CASK: variants seen among roughly 807,000 people sequenced by gnomAD.
CASK encodes the protein calcium/calmodulin dependent serine protein kinase, also known as peripheral plasma membrane protein CASK.
In CASK, 4 loss-of-function variants were observed where a neutral mutation model predicts 82.9. That is an observed-to-expected ratio of 0.05 (90% CI 0.02 to 0.11). The LOEUF (loss-of-function observed/expected upper bound fraction) is 0.11. CASK is among the 10% of genes least tolerant of loss of function. CASK has a pLI of 1.00. For synonymous variants in CASK, 259 were observed against 253.5 expected, an observed-to-expected ratio of 1.02 and a Z score of -0.20; for missense variants, 358 against 720.9, an observed-to-expected ratio of 0.50 and a Z score of 5.76.
intron 2 of CASK, among the ~76,000 whole-genome samples, chrX:41,809,955 T>C (rs2070231641): frequency 8.9e-6 from 1 of 112,228 alleles, no homozygotes; most frequent in Admixed American, 9.5e-5. Flanking sequence ...CAAGCTTCAG[T>C]AGCCGATTTG....
At chrX:41,565,628 C>T (rs944971716) in intron 16 of CASK, among the ~76,000 whole-genome samples, 5 of 111,494 alleles carry the variant, frequency 4.5e-5, no homozygotes, top group Admixed American at 2.9e-4. Flanking sequence ...CAGGACCAGA[C>T]GGATTCACAG....
chrX:41,613,605 G>A (rs1184704317), intron 11 of CASK, among the ~76,000 whole-genome samples: 2 of 81,486 alleles, frequency 2.5e-5, no homozygotes, highest in Non-Finnish European at 4.6e-5. Context: ...CCCCCTCTGC[G>A]AGAAACACCC....
At chrX:41,781,520 G>A (rs962885229) in intron 3 of CASK, among the ~76,000 whole-genome samples, 1 of 111,866 alleles carries the variant, frequency 8.9e-6, no homozygotes, top group African/African-American at 3.3e-5. Context: ...TGTCTACACT[G>A]TATGGGTGTC....
intron 1 of CASK, among the ~76,000 whole-genome samples, chrX:41,880,692 T>C (rs1168300672): frequency 1.8e-5 from 2 of 112,015 alleles, no homozygotes; most frequent in African/African-American, 6.5e-5. Flanking sequence ...GAGATCCAAA[T>C]GTATTTCACT....
At chrX:41,728,175 T>C (rs765826142) in intron 5 of CASK, 27 of 370,911 alleles carry the variant, frequency 7.3e-5, no homozygotes, top group Non-Finnish European at 1.2e-4. Flanking sequence ...TAAAAATAAA[T>C]AAACATATAT....
At chrX:41,694,327 T>A (rs1029584068) in intron 5 of CASK, among the ~76,000 whole-genome samples, 1 of 112,060 alleles carries the variant, frequency 8.9e-6, no homozygotes, top group Non-Finnish European at 1.9e-5. Context: ...GGCATCTTTA[T>A]GTTAACCCTG....
At chrX:41,893,319 CA>C (rs776338032) in intron 1 of CASK, among the ~76,000 whole-genome samples, 1 of 111,968 alleles carries the variant, frequency 8.9e-6, no homozygotes, top group East Asian at 2.8e-4. Context: ...GCCCCATGGC[CA>C]GGGGCACTGT....
intron 12 of CASK, among the ~76,000 whole-genome samples, chrX:41,591,101 T>C (rs1240547567): frequency 8.9e-6 from 1 of 112,056 alleles, no homozygotes; most frequent in Non-Finnish European, 1.9e-5. Context: ...AATGGTGATT[T>C]GTGGCTCGTC....
intron 4 of CASK, among the ~76,000 whole-genome samples, chrX:41,744,635 C>T (rs990489050): frequency 9.0e-6 from 1 of 111,611 alleles, no homozygotes; most frequent in Non-Finnish European, 1.9e-5. Context: ...TGAGCCACCG[C>T]GCCCGGCCCA....
intron 18 of CASK, chrX:41,558,589 A>G (rs1246849471): frequency 1.8e-5 from 2 of 111,198 alleles, no homozygotes; most frequent in Non-Finnish European, 3.8e-5. Flanking sequence ...GTTTCCCAGC[A>G]AAGTTTGTGT....
At chrX:41,918,935 C>T (rs1264242467) in intron 1 of CASK, among the ~76,000 whole-genome samples, 1 of 112,093 alleles carries the variant, frequency 8.9e-6, no homozygotes, top group Non-Finnish European at 1.9e-5. Context: ...AGGGCTCTGG[C>T]GTTGATCTTT....
intron 2 of CASK, among the ~76,000 whole-genome samples, chrX:41,806,762 T>C (rs2147871895): frequency 8.9e-6 from 1 of 112,011 alleles, no homozygotes; most frequent in South Asian, 3.7e-4. Context: ...CCACCTTTTA[T>C]CCAAGGAAGA....
chrX:41,603,626 T>C (rs2065921730), intron 12 of CASK, among the ~76,000 whole-genome samples: 1 of 112,395 alleles, frequency 8.9e-6, no homozygotes, highest in Non-Finnish European at 1.9e-5. Context: ...TTTTAAAAAT[T>C]CATCAATAAA....
intron 3 of CASK, among the ~76,000 whole-genome samples, chrX:41,764,238 T>C (rs2069065331): frequency 9.0e-6 from 1 of 111,077 alleles, no homozygotes; most frequent in Non-Finnish European, 1.9e-5. Context: ...TGCAACTCCT[T>C]GCTGTCGTGA....
At chrX:41,613,629 T>TAAAAAAA (rs767946526) in intron 11 of CASK, among the ~76,000 whole-genome samples, 2 of 49,854 alleles carry the variant, frequency 4.0e-5, no homozygotes, top group African/African-American at 7.3e-5. Context: ...AATGATCAAT[T>TAAAAAAA]AAAAAAAAAA....
chrX:41,766,835 C>T (rs1030490176), intron 3 of CASK, among the ~76,000 whole-genome samples: 12 of 111,145 alleles, frequency 1.1e-4, no homozygotes, highest in African/African-American at 9.8e-5. Flanking sequence ...TGCAGTGAGC[C>T]GAGATTGGGC....
rs1194492590 is a variant in CASK at position 41,589,599 on chromosome X, A to G, written c.1156-7T>C. The stretch of plus-strand genomic sequence containing the variant: ...TGTTAATTTTGTCATACAGCTAAAA[A>G]GCAAAGAAGAAAATCCAGTAAACAC... On this transcript the variant is annotated splice_region_variant and splice_polypyrimidine_tract_variant and intron_variant, in intron 12 of 26. Transcript: ENST00000378163. 1 of 1,156,590 alleles carries G rather than the reference A, an allele frequency of 8.6e-7. No individual in the cohort carries two copies. Among genetic ancestry groups the G allele is most frequent in the Non-Finnish European group, 1.2e-6 (1 of 845,732 alleles).
chrX:41,771,616 A>G (rs916599552), intron 3 of CASK, among the ~76,000 whole-genome samples: 1 of 111,860 alleles, frequency 8.9e-6, no homozygotes, highest in African/African-American at 3.2e-5. Flanking sequence ...AATGGTATCA[A>G]TATCAGAATT....
intron 12 of CASK, among the ~76,000 whole-genome samples, chrX:41,609,517 C>T (rs913172185): frequency 9.1e-6 from 1 of 109,822 alleles, no homozygotes. Context: ...TCTGAGAATT[C>T]ATGTAAAGTA....
Sources: allele counts gnomAD v4.1 joint callset (sites outside exome capture counted in the v4.1 genomes callset), GRCh38; gene constraint gnomAD v4.1.1; transcripts MANE v1.5; gene names NCBI Gene and HGNC (gene_info 2026-07-23, HGNC 2026-07-21).